DAB2IP: variants seen among roughly 807,000 people sequenced by gnomAD.
DAB2IP encodes the protein disabled homolog 2-interacting protein.
In DAB2IP, 28 loss-of-function variants were observed where a neutral mutation model predicts 107.2. The observed-to-expected ratio is 0.26, with a 90% CI of 0.19 to 0.36. The LOEUF is 0.36. Among genes scored for constraint, DAB2IP ranks in the 10% least tolerant of loss-of-function variants. The pLI is 1.00. For synonymous variants in DAB2IP, 755 were observed against 706.4 expected (o/e 1.07, Z -1.09); for missense variants, 1,400 against 1,644.7 (o/e 0.85, Z 2.57).
At chr9:121,704,574 G>T (rs1387045412) in intron 3 of DAB2IP, among the ~76,000 whole-genome samples, 1 of 152,080 alleles carries the variant, frequency 6.6e-6, no homozygotes, top group Non-Finnish European at 1.5e-5. Context: ...TCCCATGTAG[G>T]TGGATCCTAC....
At chr9:121,626,340 G>A (rs917021180) in intron 1 of DAB2IP, among the ~76,000 whole-genome samples, 2 of 151,424 alleles carry the variant, frequency 1.3e-5, no homozygotes, top group African/African-American at 2.4e-5. Context: ...CTTTCATGGA[G>A]CAGGATATTT....
intron 1 of DAB2IP, among the ~76,000 whole-genome samples, chr9:121,567,534 C>G (rs1053433954): frequency 2.0e-5 from 3 of 152,242 alleles, no homozygotes; most frequent in Non-Finnish European, 4.4e-5. Flanking sequence ...TTGCAGCCCC[C>G]CTGCCTGTCT....
At chr9:121,777,112 AC>A (rs1251724211) in intron 14 of DAB2IP, among the ~76,000 whole-genome samples, 1 of 152,140 alleles carries the variant, frequency 6.6e-6, no homozygotes, top group Non-Finnish European at 1.5e-5. Context: ...GGCAGGGAGT[AC>A]AATCAACCCC....
exon 16 of DAB2IP, chr9:121,783,648 C>G: frequency 2.1e-6 from 3 of 1,456,766 alleles, no homozygotes; most frequent in Non-Finnish European, 2.9e-6. Flanking sequence ...TAGACTTGCT[C>G]CCTCTCCAAG....
intron 3 of DAB2IP, among the ~76,000 whole-genome samples, chr9:121,722,622 G>A (rs1589583241): frequency 6.6e-6 from 1 of 152,130 alleles, no homozygotes; most frequent in African/African-American, 2.4e-5. Flanking sequence ...AGAGTAGACA[G>A]CCACACAGAC....
At chr9:121,607,680 C>T (rs1048797636) in intron 1 of DAB2IP, among the ~76,000 whole-genome samples, 1 of 152,206 alleles carries the variant, frequency 6.6e-6, no homozygotes, top group African/African-American at 2.4e-5. Context: ...TGCCCCTGCC[C>T]CTGTCCTTAG....
At chr9:121,785,280 CTCTT>C (rs1835930380) in exon 16 of DAB2IP, 1 of 152,686 alleles carries the variant, frequency 6.5e-6, no homozygotes, top group Non-Finnish European at 1.5e-5. Context: ...AACAGCCTCT[CTCTT>C]TTCTACACAC....
chr9:121,649,044 A>T (rs1387965607), upstream of DAB2IP, among the ~76,000 whole-genome samples: 1 of 152,172 alleles, frequency 6.6e-6, no homozygotes, highest in East Asian at 1.9e-4. Context: ...TTCCTGGGCC[A>T]GGAAGAAGGA....
chr9:121,757,080 G>T, exon 4 of DAB2IP: 1 of 1,614,222 alleles, frequency 6.2e-7, no homozygotes, highest in Non-Finnish European at 8.5e-7. Flanking sequence ...CAGCAGTGCG[G>T]TGGAGGCGCT....
At chr9:121,678,846 G>A in intron 2 of DAB2IP, 65 bp downstream of exon 2, 1 of 1,413,170 alleles carries the variant, frequency 7.1e-7, no homozygotes, top group Non-Finnish European at 9.4e-7. Context: ...CCGGGGTGCT[G>A]CTCTGTGACC....
intron 1 of DAB2IP, among the ~76,000 whole-genome samples, chr9:121,624,130 G>A (rs1831564314): frequency 6.6e-6 from 1 of 152,188 alleles, no homozygotes; most frequent in Admixed American, 6.5e-5. Flanking sequence ...ACCTACCTGT[G>A]CACCTGTTGG....
chr9:121,774,560 T>A, intron 13 of DAB2IP, 148 bp downstream of exon 13: 1 of 929,466 alleles, frequency 1.1e-6, no homozygotes, highest in South Asian at 1.9e-5. Context: ...CCTGTGAGAA[T>A]AGCAGTCAGT....
chr9:121,775,548 A>G (rs1423562314), intron 13 of DAB2IP, among the ~76,000 whole-genome samples: 1 of 152,158 alleles, frequency 6.6e-6, no homozygotes, highest in Non-Finnish European at 1.5e-5. Flanking sequence ...CTCAGCGCAG[A>G]GCACCTGACT....
intron 1 of DAB2IP, among the ~76,000 whole-genome samples, chr9:121,569,369 T>G (rs1829881140): frequency 6.6e-6 from 1 of 152,252 alleles, no homozygotes; most frequent in Non-Finnish European, 1.5e-5. Flanking sequence ...TCAAGGCGTG[T>G]GGAAGCCCTA....
intron 1 of DAB2IP, among the ~76,000 whole-genome samples, chr9:121,677,483 G>A (rs1465101897): frequency 1.3e-5 from 2 of 152,082 alleles, no homozygotes; most frequent in African/African-American, 4.8e-5. Context: ...TTGCATCACT[G>A]CACTCCAGCC....
intron 8 of DAB2IP, among the ~76,000 whole-genome samples, chr9:121,765,806 C>T (rs541272830): frequency 2.6e-5 from 4 of 152,202 alleles, no homozygotes; most frequent in African/African-American, 9.7e-5. Context: ...CCAGTGGAAC[C>T]AGGAGCCCCA....
intron 1 of DAB2IP, among the ~76,000 whole-genome samples, chr9:121,588,610 GAGGGAAGGGAAGGGAAGGGA>G (rs372955084): frequency 1.8e-5 from 1 of 54,974 alleles, no homozygotes; most frequent in Non-Finnish European, 3.7e-5. Flanking sequence ...GAATGGGGAA[GAGGGAAGGGAAGGGAAGGGA>G]AGGGAAGGGA....
At chr9:121,590,244 A>G (rs547207265) in intron 1 of DAB2IP, among the ~76,000 whole-genome samples, 2 of 149,488 alleles carry the variant, frequency 1.3e-5, no homozygotes, top group African/African-American at 4.9e-5. Flanking sequence ...CATGCCCCAC[A>G]CGCACACTAG....
intron 9 of DAB2IP, among the ~76,000 whole-genome samples, chr9:121,767,876 C>T (rs572111779): frequency 2.4e-4 from 37 of 152,150 alleles, no homozygotes; most frequent in African/African-American, 8.9e-4. Flanking sequence ...ATCAGTGGGC[C>T]GTGCCATTTG....
Sources: gnomAD v4.1 joint callset for allele counts (sites outside exome capture counted in the v4.1 genomes callset) on GRCh38, gnomAD v4.1.1 for gene constraint, MANE v1.5 for transcripts, NCBI Gene and HGNC (gene_info 2026-07-23, HGNC 2026-07-21) for gene names.